The following KIAA1549L variants were observed in gnomAD, a reference collection of about 807,000 sequenced individuals.
KIAA1549L encodes UPF0606 protein KIAA1549L.
KIAA1549L carries 88 observed loss-of-function variants against 160.7 expected under a neutral mutation model. The ratio of observed to expected loss-of-function variants is 0.55; its 90% confidence interval spans 0.46 to 0.65. The LOEUF (loss-of-function observed/expected upper bound fraction) is 0.65. Among genes scored for constraint, KIAA1549L ranks in the 30% least tolerant of loss-of-function variants. The probability of loss-of-function intolerance (pLI) is 0.00; values close to 1 mark genes in which losing one functional copy is unlikely to be tolerated. For missense variants in KIAA1549L, 2,258 were observed against 2,437.5 expected, an observed-to-expected ratio of 0.93 and a Z score of 1.55; for synonymous variants, 950 against 976.7, an observed-to-expected ratio of 0.97 and a Z score of 0.51.
At chr11:33,452,041 C>T (rs1851730901) in intron 1 of KIAA1549L, among the ~76,000 whole-genome samples, 1 of 152,162 alleles carries the variant, frequency 6.6e-6, no homozygotes, top group Non-Finnish European at 1.5e-5. Flanking sequence ...TGATTTTCCC[C>T]ATTGTGCTAT....
At chr11:33,592,196 C>G (rs1406087113) in intron 12 of KIAA1549L, among the ~76,000 whole-genome samples, 1 of 152,114 alleles carries the variant, frequency 6.6e-6, no homozygotes, top group Non-Finnish European at 1.5e-5. Context: ...AAGAATGAAA[C>G]CAGAAGATAA....
At chr11:33,585,652 G>A (rs1855789827) in intron 11 of KIAA1549L, among the ~76,000 whole-genome samples, 1 of 152,144 alleles carries the variant, frequency 6.6e-6, no homozygotes, top group Non-Finnish European at 1.5e-5. Flanking sequence ...TACAAAACAT[G>A]CCATACTGAG....
At chr11:33,445,812 A>G (rs1189447586) in intron 1 of KIAA1549L, among the ~76,000 whole-genome samples, 2 of 152,162 alleles carry the variant, frequency 1.3e-5, no homozygotes, top group African/African-American at 2.4e-5. Flanking sequence ...ACAGGACTCA[A>G]TGAATGTCAG....
Position 33,591,376 on chromosome 11 carries a change from A to T in KIAA1549L, c.4706A>T (p.Asp1569Val). The part of the protein sequence containing the change: ...DAPQERDVAQ[D>V]GSTIKTAKST... ...CCTCAGGAAAGAGACGTCGCTCAGGATGGAAGCACCATCAAGACCGCCAAA... is the reference window on the plus strand; with the variant it reads ...CCTCAGGAAAGAGACGTCGCTCAGGTTGGAAGCACCATCAAGACCGCCAAA... Residue 1569 changes from aspartate to valine, a missense_variant, in exon 12 of 21, where the codon GAT becomes GTT. Around this residue, in one of 6 missense-constraint regions of KIAA1549L, gnomAD observed 1,359 missense variants for 1,546.6 expected, o/e 0.88. Coordinates refer to ENST00000658780, the MANE Select transcript of KIAA1549L (RefSeq NM_012194.3). The T allele has an allele frequency of 1.2e-6, 2 of 1,612,320 alleles. No homozygotes were observed. The highest frequency in any genetic ancestry group is 1.7e-6 in the Non-Finnish European group (2 of 1,178,570).
Position 33,630,441 on chromosome 11 carries a change from GC to G in KIAA1549L, c.5409+11780del, listed in dbSNP as rs561825770. Among the ~76,000 whole-genome samples, 99 of 152,386 alleles carry G rather than the reference GC, an allele frequency of 6.5e-4. 1 individual carries two copies. The South Asian group carries it at 0.02, about 31-fold the overall frequency. ...GCTAGCAATCAGCGAGACTCCGTGG[GC>G]GTAGGCCCCTCCGAGCCAGGTGCGG... On this transcript the variant is annotated intron_variant, in intron 16 of 20. Coordinates refer to ENST00000658780, the MANE Select transcript of KIAA1549L (RefSeq NM_012194.3).
chr11:33,490,449 G>T (rs992083310), intron 1 of KIAA1549L, among the ~76,000 whole-genome samples: 2 of 151,090 alleles, frequency 1.3e-5, no homozygotes, highest in African/African-American at 4.9e-5. Context: ...TCAGCCTCCC[G>T]AGTAGCTGGG....
In KIAA1549L at chr11:33,645,967, G is replaced by C. The variant is rs767167729; in HGVS notation, c.5691G>C (p.Arg1897=). The C allele has an allele frequency of 2.8e-5, 45 of 1,611,822 alleles. No homozygotes were observed. The highest frequency in any genetic ancestry group is 3.5e-5 in the Non-Finnish European group (41 of 1,179,030). ...CCAGCGCTCCGGGGACCATGACGCG[G>C]CCCAGGGCCGGGGTGCAGTGGGTGC... ...VVTSAPGTMT[R]PRAGVQWVPT... is the part of the protein sequence containing the mutation. The change falls in exon 17 of 21, where the codon CGG becomes CGC. Residue 1897 remains arginine, a synonymous_variant. Coordinates refer to ENST00000658780, the MANE Select transcript of KIAA1549L (RefSeq NM_012194.3).
intron 1 of KIAA1549L, among the ~76,000 whole-genome samples, chr11:33,465,046 CTTTTTT>C (rs1008261470): frequency 1.5e-4 from 12 of 78,962 alleles, no homozygotes; most frequent in African/African-American, 4.1e-4. Flanking sequence ...GGACCTTCTT[CTTTTTT>C]TTTTTTTTTT....
intron 1 of KIAA1549L, among the ~76,000 whole-genome samples, chr11:33,537,911 C>T (rs1853929073): frequency 6.6e-6 from 1 of 152,040 alleles, no homozygotes; most frequent in South Asian, 2.1e-4. Flanking sequence ...AGTATGTTTC[C>T]CCTAAATCTT....
intron 11 of KIAA1549L, among the ~76,000 whole-genome samples, chr11:33,585,486 C>T (rs916443997): frequency 6.6e-6 from 1 of 152,024 alleles, no homozygotes; most frequent in South Asian, 2.1e-4. Context: ...CCGTTGCACT[C>T]TAGCCTGGGC....
intron 1 of KIAA1549L, among the ~76,000 whole-genome samples, chr11:33,416,400 ATCTT>A (rs1212234986): frequency 1.8e-4 from 27 of 152,038 alleles, no homozygotes; most frequent in Non-Finnish European, 7.4e-5. Flanking sequence ...TCCCTAGTAA[ATCTT>A]TATGTAGTCG....
At chr11:33,518,729 G>A (rs188346579) in intron 1 of KIAA1549L, among the ~76,000 whole-genome samples, 63 of 152,294 alleles carry the variant, frequency 4.1e-4, no homozygotes, top group African/African-American at 1.4e-3. Flanking sequence ...CATTAAAGCT[G>A]TAAAATCTAA....
At chr11:33,510,160 CTT>C (rs1401334188) in intron 1 of KIAA1549L, among the ~76,000 whole-genome samples, 1 of 152,022 alleles carries the variant, frequency 6.6e-6, no homozygotes, top group Non-Finnish European at 1.5e-5. Context: ...GTCTCTCTCT[CTT>C]TCATATATCT....
chr11:33,580,587 A>AAAAAAGG (rs1554994225), intron 10 of KIAA1549L, among the ~76,000 whole-genome samples: 1 of 127,534 alleles, frequency 7.8e-6, no homozygotes, highest in African/African-American at 3.9e-5. Context: ...AAAAAAAAAA[A>AAAAAAGG]AAAAGAAAAG....
Position 33,587,007 on chromosome 11 carries a change from GAAC to G in KIAA1549L, c.4566+3512_4566+3514del, listed in dbSNP as rs1260919549. ...GCACCAAAGACAGTCCCTGTCGTTG[GAAC>G]AACAATAGGAAAGTTACTTAACCTC... On this transcript the variant is annotated intron_variant, in intron 11 of 20. Coordinates refer to ENST00000658780, the MANE Select transcript of KIAA1549L (RefSeq NM_012194.3). Among the ~76,000 whole-genome samples the G allele has an allele frequency of 2.0e-5, 3 of 152,118 alleles. No homozygotes were observed. The East Asian group carries it at 5.8e-4, about 29-fold the overall frequency.
intron 7 of KIAA1549L, among the ~76,000 whole-genome samples, chr11:33,561,180 T>C (rs756633605): frequency 1.4e-4 from 21 of 152,124 alleles, no homozygotes; most frequent in Non-Finnish European, 2.5e-4. Flanking sequence ...TTCCTAACAA[T>C]GTTAGTGATG....
intron 1 of KIAA1549L, among the ~76,000 whole-genome samples, chr11:33,419,891 TACATACATACATAC>T (rs1444367471): frequency 4.8e-5 from 5 of 105,090 alleles, no homozygotes; most frequent in African/African-American, 1.6e-4. Flanking sequence ...CATACATACA[TACATACATACATAC>T]ATATATATAT....
Position 33,673,342 on chromosome 11 carries a change from A to G in KIAA1549L, c.*5188A>G, listed in dbSNP as rs1564955419. On this transcript the variant is annotated 3_prime_UTR_variant, in exon 21 of 21. Coordinates refer to ENST00000658780, the MANE Select transcript of KIAA1549L (RefSeq NM_012194.3). ...CAAATTATGGAGAGAGGCCATCAAC[A>G]TATTTTACATAAATTACTGTGGCCC... 4 of 152,186 alleles carry G rather than the reference A, an allele frequency of 2.6e-5. No individual in the cohort carries two copies. The highest frequency in any genetic ancestry group is 6.5e-5 in the Admixed American group (1 of 15,286). The allele number at this position is 152,186 out of a possible 1,614,324, so 9.4% of individuals were successfully genotyped here.
chr11:33,556,839 A>G (rs1854664526), intron 6 of KIAA1549L, among the ~76,000 whole-genome samples: 1 of 152,228 alleles, frequency 6.6e-6, no homozygotes, highest in Non-Finnish European at 1.5e-5. Flanking sequence ...ATGCCACTGA[A>G]CGATACACTT....
Sources: gnomAD v4.1 joint callset for allele counts (sites outside exome capture counted in the v4.1 genomes callset) on GRCh38, gnomAD v4.1.1 for gene constraint, gnomAD v4.1.1 regional missense constraint, MANE v1.5 for transcripts, NCBI Gene and HGNC (gene_info 2026-07-23, HGNC 2026-07-21) for gene names.